The following GRIK2 variants were observed in gnomAD, a reference collection of about 807,000 sequenced individuals.
GRIK2 encodes glutamate ionotropic receptor kainate type subunit 2, also known as glutamate receptor ionotropic, kainate 2.
In GRIK2, 32 loss-of-function variants were observed where a neutral mutation model predicts 100.3. The observed-to-expected ratio is 0.32, with a 90% CI of 0.24 to 0.43. GRIK2 has a LOEUF of 0.43. Ranked by LOEUF, GRIK2 falls within the 20% of genes least tolerant of loss-of-function variation. GRIK2 has a pLI of 1.00. For synonymous variants in GRIK2, 417 were observed against 389.4 expected, an observed-to-expected ratio of 1.07 and a Z score of -0.83; for missense variants, 843 against 1,114.9, an observed-to-expected ratio of 0.76 and a Z score of 3.47.
In GRIK2 at chr6:101,686,258, A is replaced by G. The variant is rs1474334995; in HGVS notation, c.856A>G (p.Asn286Asp). 1 of 1,612,898 alleles carries G rather than the reference A, an allele frequency of 6.2e-7. No individual in the cohort carries two copies. Among genetic ancestry groups the G allele is most frequent in the Non-Finnish European group, 8.5e-7 (1 of 1,179,124 alleles). ...MTGFRILNTE[N>D]TQVSSIIEKW... ...AGGGTTCAGAATATTAAATACAGAA[A>G]ATACCCAAGTCTCCTCCATCATTGA... Residue 286 changes from asparagine (N) to aspartate (D), a missense_variant, in exon 7 of 17, where the codon AAT becomes GAT. Asn to Asp is a conservative substitution (Grantham distance 23). This residue lies in a region of GRIK2 where 519 missense variants were observed against 643.8 expected (regional missense o/e 0.81). Transcript: ENST00000369134.
chr6:102,053,949 T>A (rs1396093363), intron 15 of GRIK2, among the ~76,000 whole-genome samples: 2 of 152,174 alleles, frequency 1.3e-5, no homozygotes, highest in African/African-American at 4.8e-5. Context: ...TGCACCTTCA[T>A]GTTAGATTAG....
chr6:101,997,289 C>T (rs1046126587), intron 14 of GRIK2, among the ~76,000 whole-genome samples: 3 of 152,024 alleles, frequency 2.0e-5, no homozygotes, highest in Admixed American at 2.0e-4. Flanking sequence ...TTATTACCTT[C>T]TCAGCCCCAT....
intron 15 of GRIK2, among the ~76,000 whole-genome samples, chr6:102,040,856 C>G (rs947735155): frequency 6.6e-6 from 1 of 151,684 alleles, no homozygotes; most frequent in African/African-American, 2.4e-5. Flanking sequence ...ACATAATGCA[C>G]AAAAATTGAT....
intron 2 of GRIK2, among the ~76,000 whole-genome samples, chr6:101,608,986 T>C (rs1779560224): frequency 6.6e-6 from 1 of 151,866 alleles, no homozygotes; most frequent in Non-Finnish European, 1.5e-5. Flanking sequence ...GTCACACCAC[T>C]GTATTTTTTT....
At chr6:101,543,029 A>C (rs1197489189) in intron 2 of GRIK2, among the ~76,000 whole-genome samples, 1 of 152,148 alleles carries the variant, frequency 6.6e-6, no homozygotes, top group South Asian at 2.1e-4. Context: ...AGAAAATTGG[A>C]TTCTTTCCTG....
At chr6:101,666,001 C>T (rs183770871) in intron 4 of GRIK2, among the ~76,000 whole-genome samples, 42 of 152,182 alleles carry the variant, frequency 2.8e-4, no homozygotes, top group Non-Finnish European at 2.4e-4. Context: ...TATTTAGGCA[C>T]CCTGAAGGCC....
intron 2 of GRIK2, among the ~76,000 whole-genome samples, chr6:101,547,426 G>T (rs9404116): frequency 0.17 from 25,533 of 151,918 alleles, 2,531 homozygotes; most frequent in South Asian, 0.31. Context: ...CCATTAACTC[G>T]TCATTTAACA....
intron 12 of GRIK2, among the ~76,000 whole-genome samples, chr6:101,908,721 C>A (rs1788419282): frequency 6.6e-6 from 1 of 151,056 alleles, no homozygotes; most frequent in South Asian, 2.1e-4. Flanking sequence ...CAAATGAGTG[C>A]ATACATTCAA....
intron 10 of GRIK2, among the ~76,000 whole-genome samples, chr6:101,856,556 G>C (rs1280118353): frequency 6.6e-6 from 1 of 152,076 alleles, no homozygotes; most frequent in Non-Finnish European, 1.5e-5. Flanking sequence ...AAAGGTTAGA[G>C]CTCATAACTA....
chr6:101,750,974 T>C (rs1419466104), intron 7 of GRIK2, among the ~76,000 whole-genome samples: 2 of 152,254 alleles, frequency 1.3e-5, no homozygotes, highest in Non-Finnish European at 2.9e-5. Flanking sequence ...TGTGAGATAT[T>C]GTGGTACAGT....
chr6:101,898,651 C>T (rs1197736112), intron 12 of GRIK2, among the ~76,000 whole-genome samples: 1 of 151,500 alleles, frequency 6.6e-6, no homozygotes, highest in Non-Finnish European at 1.5e-5. Context: ...CACTTTTTCC[C>T]TGAAAATTAT....
At chr6:101,530,150 A>G (rs2128284401) in intron 2 of GRIK2, among the ~76,000 whole-genome samples, 1 of 152,160 alleles carries the variant, frequency 6.6e-6, no homozygotes, top group Middle Eastern at 3.4e-3. Context: ...ACATTTTTTA[A>G]ACCTGGATAA....
chr6:101,760,570 T>A (rs1194631457), intron 7 of GRIK2, among the ~76,000 whole-genome samples: 24 of 80,662 alleles, frequency 3.0e-4, no homozygotes, highest in East Asian at 4.5e-4. Flanking sequence ...TTAATTATAT[T>A]TAATTAATTA....
At chr6:101,819,988 A>G (rs912084004) in intron 10 of GRIK2, among the ~76,000 whole-genome samples, 1 of 152,096 alleles carries the variant, frequency 6.6e-6, no homozygotes, top group African/African-American at 2.4e-5. Flanking sequence ...AGGGTCCTCT[A>G]TGGTCTTACT....
intron 15 of GRIK2, among the ~76,000 whole-genome samples, chr6:102,042,414 G>C (rs1199281683): frequency 6.6e-6 from 1 of 151,308 alleles, no homozygotes; most frequent in Non-Finnish European, 1.5e-5. Context: ...AAACAAATTT[G>C]ACATAAAATA....
In GRIK2 at chr6:101,603,670, G is replaced by C. The variant is rs147251480; in HGVS notation, c.116-18279G>C. Among the ~76,000 whole-genome samples, 39 of 151,712 alleles carry C rather than the reference G, an allele frequency of 2.6e-4. No individual in the cohort carries two copies. In the East Asian group the frequency reaches 3.9e-3, roughly 15 times the overall value. ...TAACTAGTATCTTTTCATGTTTTAG[G>C]AGCTCCATGAATTTATAATGAATTC... is the stretch of plus-strand genomic sequence containing the variant. On this transcript the variant is annotated intron_variant, in intron 2 of 16. Coordinates refer to ENST00000369134, the MANE Select transcript of GRIK2 (RefSeq NM_021956.5).
intron 7 of GRIK2, among the ~76,000 whole-genome samples, chr6:101,727,930 A>C (rs1286153630): frequency 6.6e-6 from 1 of 152,096 alleles, no homozygotes; most frequent in Admixed American, 6.6e-5. Context: ...GTTTAGCACA[A>C]AAAATGATAA....
intron 14 of GRIK2, among the ~76,000 whole-genome samples, chr6:101,953,407 A>C (rs1054976555): frequency 2.6e-5 from 4 of 152,134 alleles, no homozygotes; most frequent in African/African-American, 9.7e-5. Flanking sequence ...CAGTTTCTTC[A>C]CATCCTCACC....
chr6:101,602,584 T>C (rs1779272612), intron 2 of GRIK2, among the ~76,000 whole-genome samples: 1 of 151,410 alleles, frequency 6.6e-6, no homozygotes, highest in South Asian at 2.1e-4. Flanking sequence ...GGAGGGTAAT[T>C]TATTGATTAT....
Sources: gnomAD v4.1 joint callset for allele counts (sites outside exome capture counted in the v4.1 genomes callset) on GRCh38, gnomAD v4.1.1 for gene constraint, gnomAD v4.1.1 regional missense constraint, MANE v1.5 for transcripts, NCBI Gene and HGNC (gene_info 2026-07-23, HGNC 2026-07-21) for gene names.